Variants in TMEM168 observed in about 807,000 individuals in gnomAD.
TMEM168 encodes the protein transmembrane protein 168.
A neutral mutation model predicts 53.2 loss-of-function variants in TMEM168; 40 were observed. The observed-to-expected ratio is 0.75, with a 90% CI of 0.58 to 0.98. The LOEUF (loss-of-function observed/expected upper bound fraction) is 0.98. TMEM168 is among the 50% of genes least tolerant of loss of function. The pLI, the probability that TMEM168 is intolerant of heterozygous loss-of-function variation, is 0.00. For missense variants in TMEM168, 771 were observed against 828.8 expected, an observed-to-expected ratio of 0.93 and a Z score of 0.86; for synonymous variants, 282 against 293.0, an observed-to-expected ratio of 0.96 and a Z score of 0.38.
At chr7:112,780,837 G>T (rs903524360) in intron 2 of TMEM168, among the ~76,000 whole-genome samples, 5 of 151,912 alleles carry the variant, frequency 3.3e-5, no homozygotes, top group Non-Finnish European at 7.4e-5. Flanking sequence ...ACCTGGGGTT[G>T]GGAGAAGGAC....
Position 112,773,033 on chromosome 7 carries a change from G to A in TMEM168, c.1294C>T (p.Leu432Phe). ...AACTCCTGTACATGTTCTGGGGGAAGCAGTGTTGGCTGACCATCAGGACTG... is the reference window on the plus strand; with the variant it reads ...AACTCCTGTACATGTTCTGGGGGAAACAGTGTTGGCTGACCATCAGGACTG... ...FCSPDGQPTL[L>F]PPEHVQELNL... Residue 432 changes from leucine (L) to phenylalanine (F), a missense_variant, in exon 4 of 5, where the codon CTT becomes TTT. Leu to Phe is a conservative substitution (Grantham distance 22). Coordinates refer to ENST00000312814, the MANE Select transcript of TMEM168 (RefSeq NM_022484.6). The A allele has an allele frequency of 6.2e-7, 1 of 1,606,406 alleles. No homozygotes were observed. Among genetic ancestry groups the A allele is most frequent in the Non-Finnish European group, 8.5e-7 (1 of 1,173,834 alleles).
intron 2 of TMEM168, among the ~76,000 whole-genome samples, chr7:112,783,416 T>C (rs947849364): frequency 2.6e-5 from 4 of 152,200 alleles, no homozygotes; most frequent in Admixed American, 6.5e-5. Context: ...AATGTTAGTA[T>C]TCTAAGACTC....
In TMEM168 at chr7:112,762,567, T is replaced by C. The variant is rs1285094373; in HGVS notation, c.*4630A>G. The C allele has an allele frequency of 6.6e-6, 1 of 152,010 alleles. No individual in the cohort carries two copies. The highest frequency in any genetic ancestry group is 1.5e-5 in the Non-Finnish European group (1 of 67,898). The allele number at this position is 152,010 out of a possible 1,614,324, so 9.4% of individuals were successfully genotyped here. A position where few individuals can be genotyped will look rare whatever the true frequency, so the allele number is the denominator to read the frequency against. ...GCTAGACCAAATAAAAACAAAAGCT[T>C]ACTAAAACTGTCTACTTCTAACTAT... On this transcript the variant is annotated 3_prime_UTR_variant, in exon 5 of 5. Coordinates refer to ENST00000312814, the MANE Select transcript of TMEM168 (RefSeq NM_022484.6).
chr7:112,767,057 A>T lies in TMEM168; in HGVS notation c.*140T>A. Reference sequence around the variant, plus strand: ...CCAACGCCTTATATATACCATAATTACTTAAGAAAAGACAAAGTGAGAGCA... The same window carrying T: ...CCAACGCCTTATATATACCATAATTTCTTAAGAAAAGACAAAGTGAGAGCA... On this transcript the variant is annotated 3_prime_UTR_variant, in exon 5 of 5. Coordinates refer to ENST00000312814, the MANE Select transcript of TMEM168 (RefSeq NM_022484.6). 1.2e-6 allele frequency: 1 copy of T among 838,486 alleles called. No homozygotes were observed. Among genetic ancestry groups the T allele is most frequent in the Non-Finnish European group, 1.8e-6 (1 of 554,558 alleles). The allele number at this position is 838,486 out of a possible 1,614,324, so 51.9% of individuals were successfully genotyped here. A position where few individuals can be genotyped will look rare whatever the true frequency, so the allele number is the denominator to read the frequency against.
chr7:112,780,693 T>C (rs976168234), intron 2 of TMEM168, among the ~76,000 whole-genome samples: 1 of 152,150 alleles, frequency 6.6e-6, no homozygotes, highest in Non-Finnish European at 1.5e-5. Context: ...CATTGTACTC[T>C]AGCCCACACT....
In TMEM168 at chr7:112,784,359, G is replaced by A; in HGVS notation, c.467C>T (p.Thr156Ile). Reference sequence around the variant, plus strand: ...TCCAACAAGCTCCAGAAATTCAACTGTGGTTAGTAAAGTGGGCCGATGACG... The same window carrying A: ...TCCAACAAGCTCCAGAAATTCAACTATGGTTAGTAAAGTGGGCCGATGACG... ...YVRHRPTLLT[T>I]VEFLELVGFA... is the part of the protein sequence containing the mutation. Residue 156 changes from threonine (T) to isoleucine (I), a missense_variant, in exon 2 of 5, where the codon ACA (threonine) becomes ATA (isoleucine). By Grantham distance (89) the Thr-to-Ile change is moderately conservative. Coordinates refer to ENST00000312814, the MANE Select transcript of TMEM168 (RefSeq NM_022484.6). 1 of 1,614,200 alleles carries A rather than the reference G, an allele frequency of 6.2e-7. No homozygotes were observed.
In TMEM168 at chr7:112,776,124, A is replaced by G. The variant is rs115429817; in HGVS notation, c.1129-806T>C. 7.7e-3 allele frequency among the ~76,000 whole-genome samples: 1,169 copies of G among 151,582 alleles called. 14 individuals are homozygous for G. Among genetic ancestry groups the G allele is most frequent in the African/African-American group, 0.027 (1,108 of 41,344 alleles). On this transcript the variant is annotated intron_variant, in intron 2 of 4. Transcript: ENST00000312814. ...TCTTTCTCTATTACTTTCTTTCTGT[A>G]TAAGTTCTTAAGGAAATTTAAGACC...
chr7:112,775,787 C>A (rs1793066210), intron 2 of TMEM168, among the ~76,000 whole-genome samples: 1 of 151,984 alleles, frequency 6.6e-6, no homozygotes. Context: ...AAAGTAAATT[C>A]TTAAGGAAAT....
In TMEM168 at chr7:112,764,723, C is replaced by G. The variant is rs1023333282; in HGVS notation, c.*2474G>C. ...ACCATGTTGGCCAGATGGTCTCCAT[C>G]TCTTGACCTTTTGATCCACCTGCCT... On this transcript the variant is annotated 3_prime_UTR_variant, in exon 5 of 5. Coordinates refer to ENST00000312814, the MANE Select transcript of TMEM168 (RefSeq NM_022484.6). 1 of 151,978 alleles carries G rather than the reference C, an allele frequency of 6.6e-6. No homozygotes were observed. Among genetic ancestry groups the G allele is most frequent in the South Asian group, 2.1e-4 (1 of 4,812 alleles). 9.4% of individuals were successfully genotyped at this position (151,978 alleles called of 1,614,324 possible). A position where few individuals can be genotyped will look rare whatever the true frequency, so the allele number is the denominator to read the frequency against.
At chr7:112,777,217 T>G (rs1793108383) in intron 2 of TMEM168, among the ~76,000 whole-genome samples, 1 of 152,294 alleles carries the variant, frequency 6.6e-6, no homozygotes, top group Non-Finnish European at 1.5e-5. Flanking sequence ...ATTAAGAAGA[T>G]ATTTTAACAT....
Position 112,767,016 on chromosome 7 carries a change from TATAAA to T in TMEM168, c.*176_*180del. 1 of 609,244 alleles carries T rather than the reference TATAAA, an allele frequency of 1.6e-6. No individual in the cohort carries two copies. Among genetic ancestry groups the T allele is most frequent in the Non-Finnish European group, 2.8e-6 (1 of 358,616 alleles). 37.7% of individuals were successfully genotyped at this position (609,244 alleles called of 1,614,324 possible). A position where few individuals can be genotyped will look rare whatever the true frequency, so the allele number is the denominator to read the frequency against. On this transcript the variant is annotated 3_prime_UTR_variant, in exon 5 of 5. Coordinates refer to ENST00000312814, the MANE Select transcript of TMEM168 (RefSeq NM_022484.6). The stretch of plus-strand genomic sequence containing the variant: ...CATTTGACTCCCTACATACTTTCAT[TATAAA>T]ATGTTTTTTCCCAACGCCTTATATA...
intron 1 of TMEM168, among the ~76,000 whole-genome samples, chr7:112,789,192 T>C (rs1793474952): frequency 6.6e-6 from 1 of 152,148 alleles, no homozygotes; most frequent in Non-Finnish European, 1.5e-5. Context: ...ATTCCAACTC[T>C]TCAGGTCTCA....
At chr7:112,787,982 T>C (rs1793438929) in intron 1 of TMEM168, among the ~76,000 whole-genome samples, 4 of 151,362 alleles carry the variant, frequency 2.6e-5, no homozygotes, top group Admixed American at 1.3e-4. Flanking sequence ...TCCGTCCGCC[T>C]TGGCCTCCCA....
chr7:112,776,122 G>GTA (rs1793076227), intron 2 of TMEM168, among the ~76,000 whole-genome samples: 2 of 149,168 alleles, frequency 1.3e-5, no homozygotes, highest in Admixed American at 1.3e-4. Context: ...CTTTCTTTCT[G>GTA]TATAAGTTCT....
Position 112,765,270 on chromosome 7 carries a change from A to G in TMEM168, c.*1927T>C, listed in dbSNP as rs1362478985. 1 of 152,162 alleles carries G rather than the reference A, an allele frequency of 6.6e-6. No individual in the cohort carries two copies. Among genetic ancestry groups the G allele is most frequent in the Admixed American group, 6.5e-5 (1 of 15,274 alleles). The allele number at this position is 152,162 out of a possible 1,614,324, so 9.4% of individuals were successfully genotyped here. ...AAGTCACATTCTTGGCCCAAAGACC[A>G]TTTTTGGTTTTACTTTCACAGGAAA... is the stretch of plus-strand genomic sequence containing the variant. On this transcript the variant is annotated 3_prime_UTR_variant, in exon 5 of 5. Coordinates refer to ENST00000312814, the MANE Select transcript of TMEM168 (RefSeq NM_022484.6).
chr7:112,780,754 A>G (rs1793204901), intron 2 of TMEM168, among the ~76,000 whole-genome samples: 1 of 152,174 alleles, frequency 6.6e-6, no homozygotes, highest in Non-Finnish European at 1.5e-5. Context: ...AAAGACTACA[A>G]TGTTAAATGA....
At chr7:112,768,473 CAAGAAT>C (rs2116220676) in intron 4 of TMEM168, among the ~76,000 whole-genome samples, 1 of 152,050 alleles carries the variant, frequency 6.6e-6, no homozygotes, top group South Asian at 2.1e-4. Flanking sequence ...CCTACCTGTA[CAAGAAT>C]GAGTTTAAGA....
chr7:112,787,890 GC>G (rs370576447), intron 1 of TMEM168, among the ~76,000 whole-genome samples: 1,779 of 151,214 alleles, frequency 0.012, 15 homozygotes, highest in Non-Finnish European at 0.02. Context: ...GTGCCACCAT[GC>G]CCGGCTAATT....
At chr7:112,777,886 CTG>C (rs71155068) in intron 2 of TMEM168, among the ~76,000 whole-genome samples, 4,225 of 125,756 alleles carry the variant, frequency 0.034, 133 homozygotes, top group East Asian at 0.087. Flanking sequence ...GCTCTTGGTG[CTG>C]TGTGTGTGTG....
Sources: gnomAD v4.1 joint callset for allele counts (sites outside exome capture counted in the v4.1 genomes callset) on GRCh38, gnomAD v4.1.1 for gene constraint, MANE v1.5 for transcripts, NCBI Gene and HGNC (gene_info 2026-07-23, HGNC 2026-07-21) for gene names.